CDH18: variants seen among roughly 807,000 people sequenced by gnomAD.
The protein encoded by CDH18 is cadherin 18.
CDH18 carries 31 observed loss-of-function variants against 67.9 expected under a neutral mutation model. The ratio of observed to expected loss-of-function variants is 0.46; its 90% CI spans 0.34 to 0.62. The LOEUF (loss-of-function observed/expected upper bound fraction) is 0.62, where lower values mean the gene tolerates loss of function less well. CDH18 is among the 20% of genes least tolerant of loss of function. The probability of loss-of-function intolerance (pLI) is 0.01; values close to 1 mark genes in which losing one functional copy is unlikely to be tolerated. For synonymous variants in CDH18, 362 were observed against 347.2 expected (o/e 1.04, Z -0.48); for missense variants, 890 against 975.5 (o/e 0.91, Z 1.17).
chr5:20,059,247 T>C (rs541786893), intron 2 of CDH18, among the ~76,000 whole-genome samples: 84 of 152,066 alleles, frequency 5.5e-4, no homozygotes, highest in Non-Finnish European at 1.0e-3. Flanking sequence ...TGGCTAGCGG[T>C]GTGTCTATTT....
At chr5:20,293,422 G>A (rs1747252831) in intron 1 of CDH18, among the ~76,000 whole-genome samples, 1 of 152,024 alleles carries the variant, frequency 6.6e-6, no homozygotes, top group Non-Finnish European at 1.5e-5. Context: ...AGGTATAAAT[G>A]TGTTAATAAG....
At chr5:20,425,401 ACT>A (rs1298670264) in intron 1 of CDH18, among the ~76,000 whole-genome samples, 5 of 150,584 alleles carry the variant, frequency 3.3e-5, no homozygotes, top group African/African-American at 1.2e-4. Context: ...GGCAATATAA[ACT>A]CTAGAAAAAA....
chr5:19,819,211 C>G (rs911060433), intron 3 of CDH18, among the ~76,000 whole-genome samples: 1 of 151,742 alleles, frequency 6.6e-6, no homozygotes, highest in African/African-American at 2.4e-5. Context: ...TTAATTATAT[C>G]ATAATAAATC....
At chr5:19,665,241 T>C (rs1757747108) in intron 5 of CDH18, among the ~76,000 whole-genome samples, 1 of 152,054 alleles carries the variant, frequency 6.6e-6, no homozygotes, top group Admixed American at 6.6e-5. Context: ...ATTAGACTCA[T>C]TTGACCTAAT....
chr5:19,926,134 A>T (rs999291092), intron 2 of CDH18, among the ~76,000 whole-genome samples: 1 of 151,978 alleles, frequency 6.6e-6, no homozygotes, highest in Non-Finnish European at 1.5e-5. Context: ...TGTTCCATGT[A>T]TTTATTGAAA....
chr5:19,824,899 C>T (rs1780250456), intron 3 of CDH18, among the ~76,000 whole-genome samples: 1 of 152,166 alleles, frequency 6.6e-6, no homozygotes, highest in Non-Finnish European at 1.5e-5. Flanking sequence ...TGGGTACAAC[C>T]TTCTATTGTC....
intron 1 of CDH18, among the ~76,000 whole-genome samples, chr5:20,382,824 A>C (rs1442435614): frequency 1.3e-5 from 2 of 152,186 alleles, no homozygotes; most frequent in Admixed American, 6.5e-5. Context: ...CTATATTGTA[A>C]CTACAGTGTG....
chr5:20,233,421 A>G (rs1742229451), intron 2 of CDH18, among the ~76,000 whole-genome samples: 1 of 151,884 alleles, frequency 6.6e-6, no homozygotes, highest in Admixed American at 6.6e-5. Context: ...GTCATATATA[A>G]TGATAATCTT....
At chr5:20,197,017 G>GT (rs372517858) in intron 2 of CDH18, among the ~76,000 whole-genome samples, 4 of 151,930 alleles carry the variant, frequency 2.6e-5, no homozygotes, top group African/African-American at 7.3e-5. Context: ...CTCTTTTTCT[G>GT]TTTTTTTCTT....
intron 9 of CDH18, among the ~76,000 whole-genome samples, chr5:19,524,029 C>T (rs571693034): frequency 1.3e-5 from 2 of 151,776 alleles, no homozygotes; most frequent in South Asian, 2.1e-4. Context: ...GAAAACAACA[C>T]GTAAAAGTAA....
intron 2 of CDH18, among the ~76,000 whole-genome samples, chr5:20,098,442 T>A (rs886368409): frequency 4.6e-5 from 7 of 152,228 alleles, no homozygotes; most frequent in African/African-American, 1.7e-4. Flanking sequence ...AAATTGTTCA[T>A]CTTATTACCG....
intron 2 of CDH18, among the ~76,000 whole-genome samples, chr5:20,088,435 A>C (rs1263066536): frequency 6.6e-6 from 1 of 152,188 alleles, no homozygotes; most frequent in Non-Finnish European, 1.5e-5. Flanking sequence ...AATTTATTGG[A>C]AAATACTTCT....
At chr5:20,032,249 A>AAT (rs1554082391) in intron 2 of CDH18, among the ~76,000 whole-genome samples, 1 of 150,496 alleles carries the variant, frequency 6.6e-6, no homozygotes, top group Non-Finnish European at 1.5e-5. Flanking sequence ...ATATATATAT[A>AAT]ATATATATAT....
At position 20,348,005 on chromosome 5, in the gene CDH18, T is replaced by C. The variant is rs988767917; in HGVS notation, c.-579-92500A>G. Among the ~76,000 whole-genome samples, 5 of 152,270 alleles carry C rather than the reference T, an allele frequency of 3.3e-5. No individual in the cohort carries two copies. The East Asian group carries it at 7.7e-4, about 24-fold the overall frequency. ...CTGCATGTCTCATTCTTCTTGGTTGTGGGACAAGAATTTGGACTTAGCTGT... is the reference window on the plus strand; with the variant it reads ...CTGCATGTCTCATTCTTCTTGGTTGCGGGACAAGAATTTGGACTTAGCTGT... On this transcript the variant is annotated intron_variant, in intron 1 of 14. Transcript: ENST00000507958.
At chr5:20,514,729 A>T (rs973690340) in intron 1 of CDH18, among the ~76,000 whole-genome samples, 3 of 152,132 alleles carry the variant, frequency 2.0e-5, no homozygotes, top group Non-Finnish European at 4.4e-5. Context: ...AAGGTGATAC[A>T]TTGCTCAGTA....
intron 6 of CDH18, among the ~76,000 whole-genome samples, chr5:19,593,709 T>TCCTCCTCCTCCTCCTCCTTCTTCC (rs70950076): frequency 1.8e-5 from 2 of 111,178 alleles, no homozygotes; most frequent in Non-Finnish European, 3.4e-5. Context: ...CTCCTCCTCC[T>TCCTCCTCCTCCTCCTCCTTCTTCC]TCTTCTTCTT....
At chr5:20,274,736 T>A (rs1340267206) in intron 1 of CDH18, among the ~76,000 whole-genome samples, 1 of 152,174 alleles carries the variant, frequency 6.6e-6, no homozygotes, top group East Asian at 1.9e-4. Flanking sequence ...TCCACTGTCT[T>A]ACAAGAAAGC....
rs140558900 is a variant in CDH18 at position 19,718,075 on chromosome 5, T to C, written c.643+3272A>G. ...ATTATTAATTTAATTCTGTATCACA[T>C]AGTAACTCAACAGCCACACAATTCA... On this transcript the variant is annotated intron_variant, in intron 5 of 12. Transcript: ENST00000382275. 1.1e-4 allele frequency among the ~76,000 whole-genome samples: 16 copies of C among 152,106 alleles called. No individual in the cohort carries two copies. In the East Asian group the frequency reaches 2.7e-3, roughly 26 times the overall value.
At chr5:19,838,155 C>T (rs1203592497) in intron 3 of CDH18, among the ~76,000 whole-genome samples, 2 of 151,954 alleles carry the variant, frequency 1.3e-5, no homozygotes, top group Non-Finnish European at 2.9e-5. Context: ...CCAGTGCATA[C>T]TTAATCTATA....
Sources: allele counts gnomAD v4.1 joint callset (sites outside exome capture counted in the v4.1 genomes callset), GRCh38; gene constraint gnomAD v4.1.1; transcripts MANE v1.5; gene names NCBI Gene and HGNC (gene_info 2026-07-23, HGNC 2026-07-21).